CSMD1: variants seen among roughly 807,000 people sequenced by gnomAD.
CSMD1 encodes CUB and Sushi multiple domains 1, also known as CUB and sushi domain-containing protein 1.
In CSMD1, 213 loss-of-function variants were observed where a neutral mutation model predicts 417.5. That is an observed-to-expected ratio of 0.51 (90% CI 0.46 to 0.57). CSMD1 has a LOEUF of 0.57. CSMD1 is among the 20% of genes least tolerant of loss of function. The probability of loss-of-function intolerance (pLI) is 0.00; values close to 1 mark genes in which losing one functional copy is unlikely to be tolerated. For missense variants in CSMD1, 6,923 were observed against 4,529.7 expected, an observed-to-expected ratio of 1.53 and a Z score of -15.17; for synonymous variants, 2,862 against 1,736.8, an observed-to-expected ratio of 1.65 and a Z score of -16.11.
chr8:4,152,552 T>A (rs916042856), intron 3 of CSMD1, among the ~76,000 whole-genome samples: 16 of 150,412 alleles, frequency 1.1e-4, no homozygotes, highest in Admixed American at 1.1e-3. Context: ...TAGCTAGTCA[T>A]GGTGGTGCAC....
In CSMD1 at chr8:3,482,058, C is replaced by T. The variant is rs185461273; in HGVS notation, c.1448+11565G>A. Reference sequence around the variant, plus strand: ...AGAAATACATGAAATATACCACAAACAGGTTAAGATAAAATTAAAAAACAA... The same window carrying T: ...AGAAATACATGAAATATACCACAAATAGGTTAAGATAAAATTAAAAAACAA... On this transcript the variant is annotated intron_variant, in intron 11 of 69. Coordinates refer to ENST00000635120, the MANE Select transcript of CSMD1 (RefSeq NM_033225.6). Among the ~76,000 whole-genome samples the T allele has an allele frequency of 3.4e-3, 523 of 152,120 alleles. 2 individuals carry two copies. Among genetic ancestry groups the T allele is most frequent in the African/African-American group, 0.012 (508 of 41,492 alleles).
At chr8:3,479,154 A>G (rs1645083283) in intron 11 of CSMD1, among the ~76,000 whole-genome samples, 1 of 152,192 alleles carries the variant, frequency 6.6e-6, no homozygotes, top group African/African-American at 2.4e-5. Flanking sequence ...TAGTCAAATT[A>G]TCATTGGAAC....
chr8:3,153,068 G>A (rs1188963969), intron 39 of CSMD1, among the ~76,000 whole-genome samples: 1 of 152,198 alleles, frequency 6.6e-6, no homozygotes, highest in African/African-American at 2.4e-5. Context: ...GGATGAGAGA[G>A]AAGGTCAGTA....
chr8:3,113,084 G>C (rs1563056703), intron 42 of CSMD1: 1 of 152,224 alleles, frequency 6.6e-6, no homozygotes, highest in Non-Finnish European at 1.5e-5. Flanking sequence ...GGAAGTGTGC[G>C]TGTCTCGGCA....
chr8:4,687,149 A>G (rs1584945669), intron 1 of CSMD1, among the ~76,000 whole-genome samples: 1 of 152,188 alleles, frequency 6.6e-6, no homozygotes, highest in African/African-American at 2.4e-5. Context: ...AGGGAAGAGC[A>G]CCGCTGCCAG....
intron 1 of CSMD1, among the ~76,000 whole-genome samples, chr8:4,698,175 C>T (rs1807263916): frequency 6.7e-6 from 1 of 149,740 alleles, no homozygotes; most frequent in African/African-American, 2.5e-5. Context: ...ATATTATATG[C>T]CACAACTTTC....
At chr8:3,032,837 G>C (rs1021482063) in intron 50 of CSMD1, among the ~76,000 whole-genome samples, 2 of 151,876 alleles carry the variant, frequency 1.3e-5, no homozygotes, top group African/African-American at 2.4e-5. Context: ...ACCCTTAAAA[G>C]AATATTTTTA....
At position 4,918,029 on chromosome 8, in the gene CSMD1, A is replaced by G. The variant is rs529045675; in HGVS notation, c.85+76303T>C. On this transcript the variant is annotated intron_variant, in intron 1 of 69. Transcript: ENST00000635120. ...AAATGACAGAAAAATCACTTGTAAA[A>G]TAATACTAGACTTTGTGATGTTTAA... is the stretch of plus-strand genomic sequence containing the variant. Among the ~76,000 whole-genome samples the G allele has an allele frequency of 2.0e-5, 3 of 152,348 alleles. No homozygotes were observed. In the East Asian group the frequency reaches 5.8e-4, roughly 29 times the overall value.
chr8:3,880,803 G>A (rs553780444), intron 5 of CSMD1, among the ~76,000 whole-genome samples: 2 of 152,182 alleles, frequency 1.3e-5, no homozygotes, highest in East Asian at 1.9e-4. Context: ...TTAGATGGTT[G>A]GTTATAAAGA....
intron 1 of CSMD1, among the ~76,000 whole-genome samples, chr8:4,753,562 G>A (rs1351897197): frequency 6.6e-6 from 1 of 151,992 alleles, no homozygotes; most frequent in Non-Finnish European, 1.5e-5. Context: ...GATTGCACCT[G>A]CCTTCCATCA....
At chr8:4,201,611 T>C (rs868503192) in intron 3 of CSMD1, among the ~76,000 whole-genome samples, 28 of 134,396 alleles carry the variant, frequency 2.1e-4, no homozygotes, top group African/African-American at 5.0e-4. Context: ...TAGAAGAAAA[T>C]TGAAATATAA....
At chr8:4,515,810 C>T (rs1472351559) in intron 2 of CSMD1, among the ~76,000 whole-genome samples, 4 of 152,100 alleles carry the variant, frequency 2.6e-5, no homozygotes, top group South Asian at 2.1e-4. Context: ...CACTGATGCC[C>T]GGGTTGTTTA....
chr8:3,645,798 A>C (rs1354584120), intron 7 of CSMD1, among the ~76,000 whole-genome samples: 2 of 152,200 alleles, frequency 1.3e-5, no homozygotes, highest in African/African-American at 4.8e-5. Context: ...ATACCAAAAC[A>C]AAGCTGTCTA....
At chr8:4,425,332 T>G (rs1797485910) in intron 2 of CSMD1, among the ~76,000 whole-genome samples, 1 of 150,792 alleles carries the variant, frequency 6.6e-6, no homozygotes, top group Non-Finnish European at 1.5e-5. Context: ...GCATGTGATC[T>G]GATTTCAAAT....
chr8:3,652,102 CACCATCAGCACGCTT>C lies in CSMD1; in HGVS notation c.1010-35320_1010-35306del, dbSNP rs1404047433. On this transcript the variant is annotated intron_variant, in intron 7 of 69. Transcript: ENST00000635120. Reference sequence around the variant, plus strand: ...CGCTTACCACCATCAGAGCACCTACCACCATCAGCACGCTTACCATCAGAGCGCTTACCACCATCA... The same window carrying C: ...CGCTTACCACCATCAGAGCACCTACCACCATCAGAGCGCTTACCACCATCA... Among the ~76,000 whole-genome samples the C allele has an allele frequency of 3.5e-3, 442 of 125,442 alleles. 4 individuals carry two copies. The highest frequency in any genetic ancestry group is 0.012 in the African/African-American group (410 of 33,980). The allele number at this position is 125,442 out of a possible 152,430, so 82.3% of individuals were successfully genotyped here.
intron 1 of CSMD1, among the ~76,000 whole-genome samples, chr8:4,888,359 C>T (rs1244162033): frequency 2.6e-5 from 4 of 151,732 alleles, no homozygotes; most frequent in Admixed American, 1.3e-4. Context: ...TTTACATTTC[C>T]TTTTTTAAAA....
chr8:3,176,995 C>T (rs1278598043), intron 37 of CSMD1, among the ~76,000 whole-genome samples: 1 of 151,952 alleles, frequency 6.6e-6, no homozygotes, highest in Admixed American at 6.6e-5. Context: ...CCAGGCTGGT[C>T]TTGAGCTTCT....
At chr8:3,884,283 G>A (rs1241618487) in intron 5 of CSMD1, among the ~76,000 whole-genome samples, 1 of 152,074 alleles carries the variant, frequency 6.6e-6, no homozygotes, top group Non-Finnish European at 1.5e-5. Context: ...ACATACAATG[G>A]CCACTTGTGT....
At chr8:4,026,931 C>G (rs563119212) in intron 4 of CSMD1, among the ~76,000 whole-genome samples, 71 of 106,766 alleles carry the variant, frequency 6.7e-4, no homozygotes, top group African/African-American at 2.9e-3. Context: ...AAACAACAAA[C>G]AAACAAACAA....
Sources: allele counts gnomAD v4.1 joint callset (sites outside exome capture counted in the v4.1 genomes callset), GRCh38; gene constraint gnomAD v4.1.1; transcripts MANE v1.5; gene names NCBI Gene and HGNC (gene_info 2026-07-23, HGNC 2026-07-21).